ADGB: variants seen among roughly 807,000 people sequenced by gnomAD.
ADGB encodes androglobin, also known as calpain-7-like protein.
In ADGB, 172 loss-of-function variants were observed where a neutral mutation model predicts 210.5. The ratio of observed to expected loss-of-function variants is 0.82; its 90% CI spans 0.72 to 0.93. ADGB has a LOEUF of 0.93. Among genes scored for constraint, ADGB ranks in the 40% least tolerant of loss-of-function variants. ADGB has a pLI of 0.00. For synonymous variants in ADGB, 658 were observed against 662.7 expected (o/e 0.99, Z 0.11); for missense variants, 2,025 against 1,964.8 (o/e 1.03, Z -0.58).
At chr6:146,618,281 T>G (rs1471469192) in intron 1 of ADGB, among the ~76,000 whole-genome samples, 1 of 151,604 alleles carries the variant, frequency 6.6e-6, no homozygotes, top group African/African-American at 2.4e-5. Flanking sequence ...TTTTTCTTAG[T>G]CAAGCTAAAA....
At chr6:146,756,070 A>C (rs1206177417) in intron 27 of ADGB, among the ~76,000 whole-genome samples, 1 of 152,052 alleles carries the variant, frequency 6.6e-6, no homozygotes, top group African/African-American at 2.4e-5. Flanking sequence ...CAGGCAAATT[A>C]GGGAGTATAA....
At chr6:146,705,707 A>G (rs1425084282) in intron 13 of ADGB, among the ~76,000 whole-genome samples, 1 of 152,074 alleles carries the variant, frequency 6.6e-6, no homozygotes, top group African/African-American at 2.4e-5. Flanking sequence ...TTTTGCATGT[A>G]TGTTCATCAG....
chr6:146,674,791 T>C (rs557153385), intron 8 of ADGB, among the ~76,000 whole-genome samples: 1 of 152,170 alleles, frequency 6.6e-6, no homozygotes, highest in South Asian at 2.1e-4. Flanking sequence ...AGAGGAGCAA[T>C]CCTTATTTAG....
intron 1 of ADGB, among the ~76,000 whole-genome samples, chr6:146,600,967 A>G (rs1027709617): frequency 1.4e-5 from 2 of 143,954 alleles, no homozygotes; most frequent in East Asian, 4.2e-4. Context: ...CACACACACA[A>G]ATAACTAAGT....
At chr6:146,806,771 T>C (rs1778218196) in intron 35 of ADGB, among the ~76,000 whole-genome samples, 1 of 152,130 alleles carries the variant, frequency 6.6e-6, no homozygotes, top group South Asian at 2.1e-4. Context: ...GAGAAATCAG[T>C]GAAGGTGACT....
At chr6:146,778,054 A>G (rs1777746422) in intron 29 of ADGB, among the ~76,000 whole-genome samples, 1 of 152,240 alleles carries the variant, frequency 6.6e-6, no homozygotes, top group Non-Finnish European at 1.5e-5. Context: ...GTCTGGCAGC[A>G]CGAGGTGAAA....
intron 7 of ADGB, among the ~76,000 whole-genome samples, chr6:146,667,477 A>T (rs1775951995): frequency 6.6e-6 from 1 of 152,106 alleles, no homozygotes; most frequent in Non-Finnish European, 1.5e-5. Context: ...TTTTAGGCAA[A>T]TAGAGGGAAA....
chr6:146,712,922 C>CA (rs755532334), intron 13 of ADGB, among the ~76,000 whole-genome samples: 25 of 152,170 alleles, frequency 1.6e-4, no homozygotes, highest in Non-Finnish European at 3.1e-4. Context: ...CCCCTCCCCC[C>CA]AGCCCATGAA....
intron 14 of ADGB, among the ~76,000 whole-genome samples, chr6:146,716,005 T>G (rs1443114237): frequency 4.7e-5 from 7 of 148,024 alleles, no homozygotes; most frequent in Non-Finnish European, 1.0e-4. Flanking sequence ...GAGTCAGAGG[T>G]TGCAGTGAGC....
chr6:146,788,754 A>G (rs1031585432), intron 33 of ADGB, 144 bp downstream of exon 33: 6 of 865,608 alleles, frequency 6.9e-6, no homozygotes, highest in Non-Finnish European at 8.7e-6. Context: ...ATTTTACTTA[A>G]TGGAGTTGGG....
At chr6:146,703,273 A>G (rs1484035306) in intron 13 of ADGB, among the ~76,000 whole-genome samples, 2 of 151,974 alleles carry the variant, frequency 1.3e-5, no homozygotes, top group Non-Finnish European at 1.5e-5. Flanking sequence ...TAAAAAATAT[A>G]TGCATTTATA....
intron 1 of ADGB, among the ~76,000 whole-genome samples, chr6:146,610,416 G>A (rs1288411066): frequency 6.6e-6 from 1 of 152,128 alleles, no homozygotes; most frequent in Non-Finnish European, 1.5e-5. Context: ...AAGACACTTT[G>A]GCTTTTATAA....
chr6:146,618,960 C>T (rs796640424), intron 1 of ADGB, among the ~76,000 whole-genome samples: 13 of 150,930 alleles, frequency 8.6e-5, no homozygotes, highest in African/African-American at 2.9e-4. Flanking sequence ...GGATTGAAAT[C>T]CTCTATTACT....
intron 3 of ADGB, among the ~76,000 whole-genome samples, chr6:146,650,133 T>C (rs922393941): frequency 6.6e-6 from 1 of 152,208 alleles, no homozygotes; most frequent in Non-Finnish European, 1.5e-5. Flanking sequence ...TTTGCCCTGA[T>C]AGGTAATCCT....
chr6:146,680,059 T>G (rs1363853492), intron 9 of ADGB, among the ~76,000 whole-genome samples: 1 of 152,188 alleles, frequency 6.6e-6, no homozygotes, highest in African/African-American at 2.4e-5. Context: ...TTGGATATTT[T>G]CTGACTGTGA....
In ADGB at chr6:146,815,190, G is replaced by GA. The variant is rs777137203; in HGVS notation, c.4985dup (p.Lys1663GlufsTer24). On this transcript the variant is annotated frameshift_variant, in exon 36 of 36. Coordinates refer to ENST00000397944, the MANE Select transcript of ADGB (RefSeq NM_024694.4). LOFTEE classifies it high-confidence loss of function. ...AGATGACCCCAGCTCCTGACACACA[G>GA]AAAAAAAAGAAAGGAAAGAAAAAGT... 91 of 1,501,552 alleles carry GA rather than the reference G, an allele frequency of 6.1e-5. No individual in the cohort carries two copies. The highest frequency in any genetic ancestry group is 1.1e-4 in the Admixed American group (4 of 35,854). 93.0% of individuals were successfully genotyped at this position (1,501,552 alleles called of 1,614,324 possible). A position where few individuals can be genotyped will look rare whatever the true frequency, so the allele number is the denominator to read the frequency against.
intron 29 of ADGB, among the ~76,000 whole-genome samples, chr6:146,774,913 C>T (rs1365012724): frequency 6.6e-6 from 1 of 152,070 alleles, no homozygotes; most frequent in Non-Finnish European, 1.5e-5. Flanking sequence ...GCTGGGATTA[C>T]AGACGTGCGC....
rs1704395796 is a variant in ADGB, at chr6:146,746,106, T to G, written c.3362T>G (p.Phe1121Cys). 2.0e-5 allele frequency: 31 copies of G among 1,537,326 alleles called. No homozygotes were observed. Among genetic ancestry groups the G allele is most frequent in the Non-Finnish European group, 2.7e-5 (31 of 1,138,200 alleles). Residue 1121 changes from phenylalanine to cysteine, a missense_variant, in exon 26 of 36, where the codon TTC becomes TGC. Transcript: ENST00000397944. ...ATACCCAATGATAAGAAAATTTTAT[T>G]CAGGTACAAGTAAATGACAGAAGGG... is the stretch of plus-strand genomic sequence containing the variant. The part of the protein sequence containing the change: ...YYIPNDKKIL[F>C]RYSVKVLTPQ...
intron 23 of ADGB, among the ~76,000 whole-genome samples, chr6:146,739,929 T>A (rs1777138388): frequency 6.6e-6 from 1 of 152,240 alleles, no homozygotes; most frequent in Non-Finnish European, 1.5e-5. Flanking sequence ...TTTAGCAGTG[T>A]ATGCTCTACT....
Sources: allele counts gnomAD v4.1 joint callset (sites outside exome capture counted in the v4.1 genomes callset), GRCh38; gene constraint gnomAD v4.1.1; transcripts MANE v1.5; gene names NCBI Gene and HGNC (gene_info 2026-07-23, HGNC 2026-07-21).